Variants in NCAM2 observed in about 807,000 individuals in gnomAD.
NCAM2 encodes the protein N-CAM-2.
Under a neutral mutation model 98.1 loss-of-function variants are expected in NCAM2, and 30 were observed. The observed-to-expected ratio is 0.31, with a 90% CI of 0.23 to 0.41. The LOEUF is 0.41. Among genes scored for constraint, NCAM2 ranks in the 10% least tolerant of loss-of-function variants. NCAM2 has a pLI of 1.00. For synonymous variants in NCAM2, 368 were observed against 342.4 expected, an observed-to-expected ratio of 1.07 and a Z score of -0.83; for missense variants, 867 against 1,005.8, an observed-to-expected ratio of 0.86 and a Z score of 1.87.
intron 1 of NCAM2, among the ~76,000 whole-genome samples, chr21:21,115,322 A>C (rs2251390): frequency 6.6e-6 from 1 of 151,876 alleles, no homozygotes; most frequent in African/African-American, 2.4e-5. Context: ...CCTGAATGCT[A>C]AGCCACCATT....
intron 8 of NCAM2, among the ~76,000 whole-genome samples, chr21:21,343,337 G>C (rs928941241): frequency 7.4e-6 from 1 of 135,582 alleles, no homozygotes; most frequent in East Asian, 2.3e-4. Context: ...AGGACACCAA[G>C]TTAACAACTA....
intron 1 of NCAM2, among the ~76,000 whole-genome samples, chr21:21,168,003 GA>G (rs529388759): frequency 5.3e-5 from 8 of 151,492 alleles, no homozygotes; most frequent in South Asian, 4.2e-4. Flanking sequence ...GATATTATAA[GA>G]AAAAAAACTA....
intron 1 of NCAM2, among the ~76,000 whole-genome samples, chr21:21,137,766 G>A (rs2067089290): frequency 1.3e-5 from 2 of 152,072 alleles, no homozygotes; most frequent in African/African-American, 4.8e-5. Context: ...TAAAAAAAAT[G>A]TTGAAAGTGT....
chr21:21,420,678 G>A (rs1444478871), intron 11 of NCAM2, among the ~76,000 whole-genome samples: 1 of 151,736 alleles, frequency 6.6e-6, no homozygotes, highest in East Asian at 1.9e-4. Context: ...AGCTAATAAT[G>A]TCAAATTATT....
intron 5 of NCAM2, among the ~76,000 whole-genome samples, chr21:21,307,820 C>T (rs1030092443): frequency 3.9e-4 from 60 of 152,126 alleles, no homozygotes; most frequent in African/African-American, 1.3e-3. Context: ...CTTCTGCCTT[C>T]CTCTTCTTCT....
intron 8 of NCAM2, among the ~76,000 whole-genome samples, chr21:21,362,128 T>C (rs2075662399): frequency 6.6e-6 from 1 of 152,102 alleles, no homozygotes; most frequent in African/African-American, 2.4e-5. Flanking sequence ...TTTTTTTTTT[T>C]GGATGGGTTA....
At chr21:21,133,401 CTG>C (rs773882439) in intron 1 of NCAM2, among the ~76,000 whole-genome samples, 1 of 152,174 alleles carries the variant, frequency 6.6e-6, no homozygotes, top group Non-Finnish European at 1.5e-5. Flanking sequence ...TGATCGTGTT[CTG>C]TCTTTTAAAG....
chr21:21,515,501 C>T (rs898390323), intron 16 of NCAM2, among the ~76,000 whole-genome samples: 1 of 151,932 alleles, frequency 6.6e-6, no homozygotes, highest in East Asian at 1.9e-4. Flanking sequence ...AAATTTTAAA[C>T]ATAATTATTT....
At chr21:21,443,206 C>T (rs536307000) in intron 12 of NCAM2, among the ~76,000 whole-genome samples, 1 of 152,216 alleles carries the variant, frequency 6.6e-6, no homozygotes, top group Admixed American at 6.5e-5. Flanking sequence ...TGTTCTCACT[C>T]ATAAGTGGGA....
chr21:21,370,422 C>CT (rs1360699176), intron 8 of NCAM2, among the ~76,000 whole-genome samples: 1 of 151,800 alleles, frequency 6.6e-6, no homozygotes, highest in Non-Finnish European at 1.5e-5. Context: ...TTTCAAACAT[C>CT]TTATTGGCAT....
chr21:21,409,087 TATG>T (rs1215949125), intron 9 of NCAM2, among the ~76,000 whole-genome samples: 1 of 152,106 alleles, frequency 6.6e-6, no homozygotes, highest in African/African-American at 2.4e-5. Flanking sequence ...TCAGCATAAA[TATG>T]AGCAAAATTT....
chr21:21,172,488 C>G (rs1036040138), intron 1 of NCAM2, among the ~76,000 whole-genome samples: 3 of 152,054 alleles, frequency 2.0e-5, no homozygotes, highest in African/African-American at 7.2e-5. Flanking sequence ...TTTAAAATAA[C>G]TCTTTCTTAG....
intron 1 of NCAM2, among the ~76,000 whole-genome samples, chr21:21,210,964 CCAAACACACACACACA>C (rs1370919611): frequency 2.3e-3 from 226 of 96,760 alleles, no homozygotes; most frequent in Admixed American, 4.0e-3. Context: ...AATACTCTCC[CCAAACACACACACACA>C]CACACACACA....
chr21:21,373,724 A>T (rs1425445835), intron 8 of NCAM2, 139 bp from the exon 9 acceptor site: 1 of 730,768 alleles, frequency 1.4e-6, no homozygotes, highest in African/African-American at 1.9e-5. Context: ...GCTATACAAG[A>T]AATACTTTCT....
intron 1 of NCAM2, among the ~76,000 whole-genome samples, chr21:21,139,935 G>T (rs1053378622): frequency 2.0e-5 from 3 of 151,990 alleles, no homozygotes; most frequent in Non-Finnish European, 2.9e-5. Flanking sequence ...GAAATATTCT[G>T]GTAATTTCTA....
chr21:21,414,742 T>C (rs2145937169), intron 10 of NCAM2, among the ~76,000 whole-genome samples: 1 of 152,290 alleles, frequency 6.6e-6, no homozygotes, highest in South Asian at 2.1e-4. Context: ...GTGCTGGGAT[T>C]ACAGGCGTGA....
chr21:21,062,147 T>A (rs1299105872), intron 1 of NCAM2, among the ~76,000 whole-genome samples: 1 of 152,126 alleles, frequency 6.6e-6, no homozygotes, highest in Non-Finnish European at 1.5e-5. Flanking sequence ...GTGAGTAAAA[T>A]ATCTTGAAAA....
chr21:21,208,543 C>T (rs1601649277), intron 1 of NCAM2, among the ~76,000 whole-genome samples: 1 of 152,106 alleles, frequency 6.6e-6, no homozygotes, highest in East Asian at 1.9e-4. Flanking sequence ...TTTATTTTAG[C>T]TTCTTTATGG....
chr21:21,385,629 C>G, intron 9 of NCAM2: 1 of 1,287,680 alleles, frequency 7.8e-7, no homozygotes, highest in South Asian at 1.2e-5. Context: ...TGGCATTCTT[C>G]CAGTTCATTT....
Sources: allele counts gnomAD v4.1 joint callset (sites outside exome capture counted in the v4.1 genomes callset), GRCh38; gene constraint gnomAD v4.1.1; transcripts MANE v1.5; gene names NCBI Gene and HGNC (gene_info 2026-07-23, HGNC 2026-07-21).